The following UBE2D3 variants were observed in gnomAD, a reference collection of about 807,000 sequenced individuals.
The protein encoded by UBE2D3 is ubiquitin-conjugating enzyme E2 D3.
UBE2D3 carries 2 observed loss-of-function variants against 22.8 expected under a neutral mutation model. The observed-to-expected ratio is 0.09, with a 90% CI of 0.04 to 0.28. The LOEUF (loss-of-function observed/expected upper bound fraction) is 0.28. Among genes scored for constraint, UBE2D3 ranks in the 10% least tolerant of loss-of-function variants. The probability of loss-of-function intolerance (pLI) is 1.00; values close to 1 mark genes in which losing one functional copy is unlikely to be tolerated. For missense variants in UBE2D3, 27 were observed against 182.5 expected (o/e 0.15, Z 4.91); for synonymous variants, 56 against 60.4 (o/e 0.93, Z 0.34).
At chr4:102,805,348 C>G (rs188856889) in intron 4 of UBE2D3, among the ~76,000 whole-genome samples, 1 of 152,184 alleles carries the variant, frequency 6.6e-6, no homozygotes, top group African/African-American at 2.4e-5. Flanking sequence ...ATAAGGAACA[C>G]TGTGATCAGC....
chr4:102,861,099 G>A (rs1560895563), intron 1 of UBE2D3, among the ~76,000 whole-genome samples: 1 of 152,004 alleles, frequency 6.6e-6, no homozygotes, highest in South Asian at 2.1e-4. Context: ...CAACACGCAA[G>A]GCTAGGGAAG....
chr4:102,827,991 C>G, upstream of UBE2D3: 1 of 985,480 alleles, frequency 1.0e-6, no homozygotes, highest in African/African-American at 1.7e-5. Flanking sequence ...GCTGGCTAAC[C>G]GAAGCGGTAG....
chr4:102,826,753 C>G, intron 1 of UBE2D3, 117 bp from the exon 2 acceptor site: 8 of 1,416,288 alleles, frequency 5.6e-6, no homozygotes, highest in Non-Finnish European at 7.3e-6. Context: ...GCAAAGCCAC[C>G]AACAGCCTCT....
intron 1 of UBE2D3, among the ~76,000 whole-genome samples, chr4:102,839,043 A>T (rs1456112981): frequency 6.6e-6 from 1 of 152,148 alleles, no homozygotes; most frequent in Non-Finnish European, 1.5e-5. Context: ...AGTCCAGAGA[A>T]AACCAAATAA....
intron 2 of UBE2D3, among the ~76,000 whole-genome samples, chr4:102,814,972 T>C (rs2110297503): frequency 6.6e-6 from 1 of 152,304 alleles, no homozygotes; most frequent in East Asian, 1.9e-4. Flanking sequence ...TATTTACTCA[T>C]AATTAACTCA....
chr4:102,810,776 AAT>A (rs1319125659), intron 2 of UBE2D3: 4 of 152,254 alleles, frequency 2.6e-5, no homozygotes, highest in East Asian at 1.9e-4. Flanking sequence ...CTACTATGAA[AAT>A]ATAGTTTATT....
At chr4:102,862,296 A>C (rs1250141184) in intron 1 of UBE2D3, among the ~76,000 whole-genome samples, 1 of 151,980 alleles carries the variant, frequency 6.6e-6, no homozygotes, top group Non-Finnish European at 1.5e-5. Flanking sequence ...AAAAAAGTTT[A>C]TCTCTTTAAA....
chr4:102,859,958 G>C (rs1040227850), intron 1 of UBE2D3, among the ~76,000 whole-genome samples: 1 of 151,544 alleles, frequency 6.6e-6, no homozygotes, highest in African/African-American at 2.4e-5. Flanking sequence ...CCATTCTCCT[G>C]CCTCAGCCTC....
At chr4:102,865,964 G>A (rs1733128176) in intron 1 of UBE2D3, among the ~76,000 whole-genome samples, 1 of 152,178 alleles carries the variant, frequency 6.6e-6, no homozygotes, top group Non-Finnish European at 1.5e-5. Context: ...ATCGCATAAG[G>A]TGGTCAGATA....
intron 2 of UBE2D3, among the ~76,000 whole-genome samples, chr4:102,822,560 C>A (rs1424542995): frequency 6.6e-6 from 1 of 152,194 alleles, no homozygotes. Flanking sequence ...AAAGCTAACT[C>A]CCAATTACTT....
upstream of UBE2D3, among the ~76,000 whole-genome samples, chr4:102,829,099 A>AG (rs1383349101): frequency 6.6e-6 from 1 of 152,234 alleles, no homozygotes; most frequent in East Asian, 1.9e-4. Flanking sequence ...TAGTGTCACT[A>AG]GTGAAGCAGT....
intron 1 of UBE2D3, among the ~76,000 whole-genome samples, chr4:102,834,560 G>A (rs990422472): frequency 1.1e-4 from 16 of 151,836 alleles, no homozygotes; most frequent in African/African-American, 3.9e-4. Context: ...GACCATCTTG[G>A]GCAACATGGC....
chr4:102,848,328 T>C (rs562323562), intron 1 of UBE2D3, among the ~76,000 whole-genome samples: 206 of 151,882 alleles, frequency 1.4e-3, no homozygotes, highest in Non-Finnish European at 2.1e-3. Context: ...CTGGACAATA[T>C]AGTGAGACTC....
chr4:102,814,281 C>A (rs1193644889), intron 2 of UBE2D3, among the ~76,000 whole-genome samples: 1 of 138,360 alleles, frequency 7.2e-6, no homozygotes, highest in Non-Finnish European at 1.5e-5. Flanking sequence ...AAATTATCCA[C>A]TATTAAGAAA....
intron 1 of UBE2D3, among the ~76,000 whole-genome samples, chr4:102,859,802 T>G (rs1475183668): frequency 2.6e-5 from 4 of 151,744 alleles, no homozygotes; most frequent in Admixed American, 2.0e-4. Flanking sequence ...AGCTCACTTT[T>G]GAATTTTTCA....
At chr4:102,827,117 T>C (rs982394593) in intron 1 of UBE2D3, 2 of 986,440 alleles carry the variant, frequency 2.0e-6, no homozygotes, top group Non-Finnish European at 1.2e-6. Context: ...CGCAGCGAGC[T>C]ATTCTGTGTC....
At chr4:102,863,023 T>C (rs1732969972) in intron 1 of UBE2D3, among the ~76,000 whole-genome samples, 1 of 151,972 alleles carries the variant, frequency 6.6e-6, no homozygotes, top group Non-Finnish European at 1.5e-5. Flanking sequence ...GGGGTATGGG[T>C]ATGCCCAGGC....
Position 102,797,162 on chromosome 4 carries a change from A to T in UBE2D3, c.*253T>A, listed in dbSNP as rs12499161. Reference sequence around the variant, plus strand: ...ATACACATGCTCCATTTTTTTTTTTAAAAATTCTGAGTCTTGGGCAACTGT... The same window carrying T: ...ATACACATGCTCCATTTTTTTTTTTTAAAATTCTGAGTCTTGGGCAACTGT... On this transcript the variant is annotated 3_prime_UTR_variant, in exon 8 of 8. Coordinates refer to ENST00000453744, the MANE Select transcript of UBE2D3 (RefSeq NM_181891.3). 0.012 allele frequency: 3,782 copies of T among 321,936 alleles called. 39 individuals are homozygous for T. Among genetic ancestry groups the T allele is most frequent in the African/African-American group, 0.045 (2,068 of 46,272 alleles). 19.9% of individuals were successfully genotyped at this position (321,936 alleles called of 1,614,324 possible). A position where few individuals can be genotyped will look rare whatever the true frequency, so the allele number is the denominator to read the frequency against.
intron 1 of UBE2D3, among the ~76,000 whole-genome samples, chr4:102,848,714 G>A (rs1732173597): frequency 6.6e-6 from 1 of 152,124 alleles, no homozygotes; most frequent in Non-Finnish European, 1.5e-5. Context: ...AGCTATTTAG[G>A]AGGCTGAGGC....
Sources: allele counts gnomAD v4.1 joint callset (sites outside exome capture counted in the v4.1 genomes callset), GRCh38; gene constraint gnomAD v4.1.1; transcripts MANE v1.5; gene names NCBI Gene and HGNC (gene_info 2026-07-23, HGNC 2026-07-21).